SPNS2: variants seen among roughly 807,000 people sequenced by gnomAD.
SPNS2 encodes sphingosine-1-phosphate transporter SPNS2.
SPNS2 carries 37 observed loss-of-function variants against 57.6 expected under a neutral mutation model. That is an observed-to-expected ratio of 0.64 (90% confidence interval 0.49 to 0.85). The LOEUF is 0.85. Ranked by LOEUF, SPNS2 falls within the 40% of genes least tolerant of loss-of-function variation. The pLI, the probability that SPNS2 is intolerant of heterozygous loss-of-function variation, is 0.00. For synonymous variants in SPNS2, 440 were observed against 346.9 expected, an observed-to-expected ratio of 1.27 and a Z score of -2.98; for missense variants, 831 against 779.1, an observed-to-expected ratio of 1.07 and a Z score of -0.79.
intron 5 of SPNS2, 45 bp from the exon 6 acceptor site, chr17:4,532,487 CAGCAGGGACG>C (rs1905531596): frequency 6.2e-7 from 1 of 1,611,622 alleles, no homozygotes; most frequent in Non-Finnish European, 8.5e-7. Context: ...CCTCCTTCTG[CAGCAGGGACG>C]AGGCTCACTG....
Position 4,512,657 on chromosome 17 carries a change from CGGGTATGTGTGTGCGCGCGT to C in SPNS2, c.371-585_371-566del, listed in dbSNP as rs1290635971. Among the ~76,000 whole-genome samples the C allele has an allele frequency of 6.7e-6, 1 of 150,302 alleles. No individual in the cohort carries two copies. The highest frequency in any genetic ancestry group is 1.5e-5 in the Non-Finnish European group (1 of 67,442). On this transcript the variant is annotated intron_variant, in intron 1 of 12. Transcript: ENST00000329078. The surrounding 1 kb of genome is among the most constrained non-coding windows in gnomAD (Gnocchi z 5.2). The stretch of plus-strand genomic sequence containing the variant: ...GTGTGTGTGTGTGCGTGCGCGCGCA[CGGGTATGTGTGTGCGCGCGT>C]GGGTGTGTATGCATGTGTGCAGGTG...
rs1229425655 is a variant in SPNS2, at chr17:4,536,671, GCTGGGGCCC to G, written c.1608-226_1608-218del. The G allele has an allele frequency of 7.1e-5, 47 of 661,742 alleles. 2 individuals carry two copies. The East Asian group carries it at 1.1e-3, about 15-fold the overall frequency. 41.0% of individuals were successfully genotyped at this position (661,742 alleles called of 1,614,324 possible). A position where few individuals can be genotyped will look rare whatever the true frequency, so the allele number is the denominator to read the frequency against. The stretch of plus-strand genomic sequence containing the variant: ...GTCTCTGGACTTAGTGGTTTTCAAA[GCTGGGGCCC>G]CTCCCCTTCCTCTTACTTTCTGACT... On this transcript the variant is annotated intron_variant, in intron 11 of 12. Coordinates refer to ENST00000329078, the MANE Select transcript of SPNS2 (RefSeq NM_001124758.3).
chr17:4,533,545 C>A, intron 8 of SPNS2, 113 bp downstream of exon 8: 1 of 1,225,894 alleles, frequency 8.2e-7, no homozygotes, highest in Non-Finnish European at 1.1e-6. Context: ...CGGGGAGGCT[C>A]CTATTCTCTG....
At chr17:4,519,733 G>T (rs1905092194) in intron 2 of SPNS2, among the ~76,000 whole-genome samples, 2 of 152,214 alleles carry the variant, frequency 1.3e-5, no homozygotes, top group African/African-American at 4.8e-5. Flanking sequence ...ATTGCGGGGT[G>T]GTGGGCAGGG....
At chr17:4,524,891 G>T (rs900473988) in intron 2 of SPNS2, among the ~76,000 whole-genome samples, 166 bp from the exon 3 acceptor site, 6 of 152,202 alleles carry the variant, frequency 3.9e-5, no homozygotes, top group African/African-American at 1.4e-4. Flanking sequence ...ACCTCGTAAG[G>T]CCTTTCCCAC....
chr17:4,536,923 C>T lies in SPNS2; in HGVS notation c.1631C>T (p.Pro544Leu), dbSNP rs780134192. 3 of 1,613,762 alleles carry T rather than the reference C, an allele frequency of 1.9e-6. No homozygotes were observed. The highest frequency in any genetic ancestry group is 1.7e-5 in the Admixed American group (1 of 59,976). Reference protein sequence around the residue: ...EQQVNQLAMPPASVKV With the variant: ...EQQVNQLAMPLASVKV ...AGGGTGAACCAGCTGGCGATGCCGC[C>T]CGCATCTGTGAAAGTCTGAGGTGGT... The change falls in exon 12 of 13, where the codon CCC becomes CTC. Residue 544 changes from proline to leucine, a missense_variant. Physicochemically the swap from Pro to Leu is moderately conservative, Grantham distance 98. Coordinates refer to ENST00000329078, the MANE Select transcript of SPNS2 (RefSeq NM_001124758.3).
intron 2 of SPNS2, among the ~76,000 whole-genome samples, chr17:4,522,085 G>C (rs1035665828): frequency 6.6e-6 from 1 of 152,222 alleles, no homozygotes; most frequent in African/African-American, 2.4e-5. Flanking sequence ...TATAATCCCA[G>C]CTACTTGGGA....
chr17:4,499,270 C>T lies in SPNS2; in HGVS notation c.223C>T (p.Pro75Ser), dbSNP rs1904385994. ...RRAPTGPPGT[P>S]GTPGCAATAK... ...GGCCCCGACCGGACCCCCCGGCACCCCCGGCACCCCCGGCTGCGCAGCTAC... is the reference window on the plus strand; with the variant it reads ...GGCCCCGACCGGACCCCCCGGCACCTCCGGCACCCCCGGCTGCGCAGCTAC... Residue 75 changes from proline to serine, a missense_variant, in exon 1 of 13, where the codon CCC (proline) becomes TCC (serine). By Grantham distance (74) the Pro-to-Ser change is moderately conservative. Around this residue, in one of 2 missense-constraint regions of SPNS2, gnomAD observed 305 missense variants for 378.3 expected, o/e 0.81. Transcript: ENST00000329078. This position sits in a 1 kb window ranked among gnomAD's most constrained non-coding sequence, Gnocchi z 5.2. 6 of 1,486,666 alleles carry T rather than the reference C, an allele frequency of 4.0e-6. No individual in the cohort carries two copies. Among genetic ancestry groups the T allele is most frequent in the Non-Finnish European group, 5.3e-6 (6 of 1,125,502 alleles). 92.1% of individuals were successfully genotyped at this position (1,486,666 alleles called of 1,614,324 possible).
At position 4,532,958 on chromosome 17, in the gene SPNS2, C is replaced by G; in HGVS notation, c.936-19C>G. On this transcript the variant is annotated intron_variant, in intron 6 of 12. Transcript: ENST00000329078. ...AAGGAGGTCCCTGAGCTCAGTGTCA[C>G]TGCCTGGCCTCTCCCCAGCCGCAGC... 2 of 1,603,502 alleles carry G rather than the reference C, an allele frequency of 1.2e-6. No homozygotes were observed. The highest frequency in any genetic ancestry group is 2.2e-5 in the East Asian group (1 of 44,776).
intron 9 of SPNS2, 91 bp downstream of exon 9, chr17:4,533,944 G>C: frequency 1.9e-5 from 16 of 861,698 alleles, no homozygotes; most frequent in East Asian, 2.9e-5. Flanking sequence ...GAAGGGGCGG[G>C]AGAGCTGGTA....
intron 2 of SPNS2, among the ~76,000 whole-genome samples, chr17:4,520,719 G>A (rs547061647): frequency 6.6e-6 from 1 of 152,238 alleles, no homozygotes; most frequent in South Asian, 2.1e-4. Flanking sequence ...ATGGCAGTCT[G>A]GGGAGTGATT....
At position 4,538,669 on chromosome 17, in the gene SPNS2, C is replaced by G; in HGVS notation, c.*1221C>G. 1 of 531,832 alleles carries G rather than the reference C, an allele frequency of 1.9e-6. No individual in the cohort carries two copies. Among genetic ancestry groups the G allele is most frequent in the Non-Finnish European group, 3.3e-6 (1 of 299,764 alleles). 32.9% of individuals were successfully genotyped at this position (531,832 alleles called of 1,614,324 possible). A position where few individuals can be genotyped will look rare whatever the true frequency, so the allele number is the denominator to read the frequency against. On this transcript the variant is annotated 3_prime_UTR_variant, in exon 13 of 13. Transcript: ENST00000329078. ...TGAGGCCTTGTGGCCAATGGGGGAC[C>G]CCCCAAGAGCCAGCTTGGACAATGC...
At chr17:4,507,986 G>A (rs1468619470) in intron 1 of SPNS2, among the ~76,000 whole-genome samples, 3 of 152,200 alleles carry the variant, frequency 2.0e-5, no homozygotes, top group Admixed American at 6.5e-5. Context: ...TCCTGGAATC[G>A]GGGCTTGACT....
chr17:4,536,834 C>T (rs1282935512), intron 11 of SPNS2, 66 bp from the exon 12 acceptor site: 5 of 1,361,162 alleles, frequency 3.7e-6, no homozygotes, highest in South Asian at 2.4e-5. Context: ...CACGATGTGC[C>T]AGAGCAGTGC....
At chr17:4,535,304 C>T (rs1049010845) in intron 9 of SPNS2, among the ~76,000 whole-genome samples, 15 of 152,152 alleles carry the variant, frequency 9.9e-5, no homozygotes, top group African/African-American at 2.4e-4. Flanking sequence ...CCCGCGGGTG[C>T]GAGCGGAGGC....
At chr17:4,522,167 C>G (rs566040951) in intron 2 of SPNS2, among the ~76,000 whole-genome samples, 5 of 152,280 alleles carry the variant, frequency 3.3e-5, no homozygotes, top group African/African-American at 1.2e-4. Context: ...CCACTGCACT[C>G]CAGCCTGGGC....
In SPNS2 at chr17:4,533,097, G is replaced by T. The variant is rs771614086; in HGVS notation, c.1056G>T (p.Thr352=). ...AAGTTGTGCAGAAGACAGCAGAGAC[G>T]TGCAACAGCCCGCCCTGTGGGGCCA... is the stretch of plus-strand genomic sequence containing the variant. The part of the protein sequence containing the change: ...RAQVVQKTAE[T]CNSPPCGAKD... Residue 352 remains threonine, a synonymous_variant, in exon 7 of 13, where the codon ACG becomes ACT. Coordinates refer to ENST00000329078, the MANE Select transcript of SPNS2 (RefSeq NM_001124758.3). The T allele has an allele frequency of 6.2e-7, 1 of 1,612,558 alleles. No homozygotes were observed. The highest frequency in any genetic ancestry group is 8.5e-7 in the Non-Finnish European group (1 of 1,179,542).
rs904683075 is a variant in SPNS2, at chr17:4,499,116, GCGGCGC to G, written c.79_84del (p.Arg27_Arg28del). 6.3e-6 allele frequency: 7 copies of G among 1,107,260 alleles called. No homozygotes were observed. In the African/African-American group the frequency reaches 1.0e-4, roughly 16 times the overall value. The allele number at this position is 1,107,260 out of a possible 1,614,324, so 68.6% of individuals were successfully genotyped here. A position where few individuals can be genotyped will look rare whatever the true frequency, so the allele number is the denominator to read the frequency against. On this transcript the variant is annotated inframe_deletion, in exon 1 of 13. Transcript: ENST00000329078. The surrounding 1 kb of genome is among the most constrained non-coding windows in gnomAD (Gnocchi z 5.2). ...AGGAGGAGGAGGCGGACGCGGAGCG[GCGGCGC>G]CGGCGCCGGGGGGCGCAGCGAGGGG...
intron 9 of SPNS2, among the ~76,000 whole-genome samples, chr17:4,535,274 G>A (rs752287582): frequency 3.5e-4 from 53 of 152,270 alleles, no homozygotes; most frequent in Non-Finnish European, 5.9e-4. Context: ...CAGCAGTGCC[G>A]GCATTTGGTG....
Sources: allele counts gnomAD v4.1 joint callset (sites outside exome capture counted in the v4.1 genomes callset), GRCh38; gene constraint gnomAD v4.1.1; regional missense constraint gnomAD v4.1.1; non-coding constraint Gnocchi (gnomAD v3.1); transcripts MANE v1.5; gene names NCBI Gene and HGNC (gene_info 2026-07-23, HGNC 2026-07-21).